Variants in PIK3C2A observed in about 807,000 individuals in gnomAD.
PIK3C2A encodes phosphatidylinositol-4-phosphate 3-kinase catalytic subunit type 2 alpha.
A neutral mutation model predicts 204.5 loss-of-function variants in PIK3C2A; 97 were observed. The observed-to-expected ratio is 0.47, with a 90% CI of 0.40 to 0.56. The LOEUF (loss-of-function observed/expected upper bound fraction) is 0.56. Among genes scored for constraint, PIK3C2A ranks in the 20% least tolerant of loss-of-function variants. PIK3C2A has a pLI of 0.00. For synonymous variants in PIK3C2A, 653 were observed against 664.4 expected (o/e 0.98, Z 0.26); for missense variants, 1,735 against 1,969.2 (o/e 0.88, Z 2.25).
chr11:17,167,045 A>C (rs1195829098), intron 2 of PIK3C2A, among the ~76,000 whole-genome samples: 1 of 151,970 alleles, frequency 6.6e-6, no homozygotes, highest in Non-Finnish European at 1.5e-5. Flanking sequence ...ATCATGGGTC[A>C]CAGCAGTCTC....
intron 3 of PIK3C2A, among the ~76,000 whole-genome samples, chr11:17,153,875 CAG>C (rs1314801034): frequency 6.6e-6 from 1 of 152,176 alleles, no homozygotes; most frequent in Admixed American, 6.5e-5. Flanking sequence ...ATGGAAAAAA[CAG>C]AGCCACTAAT....
At chr11:17,112,031 T>G (rs528422321) in intron 21 of PIK3C2A, among the ~76,000 whole-genome samples, 2 of 152,128 alleles carry the variant, frequency 1.3e-5, no homozygotes, top group South Asian at 4.1e-4. Flanking sequence ...ACAAAGGAAT[T>G]TATTATATAT....
rs1189677263 is a variant in PIK3C2A at position 17,118,666 on chromosome 11, T to C, written c.3014A>G (p.Gln1005Arg). Reference protein sequence around the residue: ...FLLSRALGNIQIAHNLYWLLK... With the variant: ...FLLSRALGNIRIAHNLYWLLK... ...TTACCAATATAAATTGTGTGCTATC[T>C]GGATATTTCCCAATGCCCTGGACAA... Residue 1005 changes from glutamine (Q) to arginine (R), a missense_variant, in exon 18 of 33, where the codon CAG becomes CGG. Coordinates refer to ENST00000691414, the MANE Select transcript of PIK3C2A (RefSeq NM_002645.4). 5 of 1,498,584 alleles carry C rather than the reference T, an allele frequency of 3.3e-6. No homozygotes were observed. The African/African-American group carries it at 6.9e-5, about 21-fold the overall frequency. 92.8% of individuals were successfully genotyped at this position (1,498,584 alleles called of 1,614,324 possible). A position where few individuals can be genotyped will look rare whatever the true frequency, so the allele number is the denominator to read the frequency against.
At chr11:17,205,895 C>A (rs1852555435) in intron 1 of PIK3C2A, among the ~76,000 whole-genome samples, 1 of 152,172 alleles carries the variant, frequency 6.6e-6, no homozygotes, top group Non-Finnish European at 1.5e-5. Context: ...CCAAGACGGG[C>A]AGATCACTTG....
intron 8 of PIK3C2A, among the ~76,000 whole-genome samples, chr11:17,143,921 G>C (rs1850148456): frequency 6.6e-6 from 1 of 151,728 alleles, no homozygotes; most frequent in Non-Finnish European, 1.5e-5. Context: ...TGGGTGACAA[G>C]GTAAGACTCT....
At chr11:17,104,500 C>A (rs560938933) in intron 23 of PIK3C2A, among the ~76,000 whole-genome samples, 2 of 151,948 alleles carry the variant, frequency 1.3e-5, no homozygotes, top group African/African-American at 4.8e-5. Flanking sequence ...CTGAAGCGGG[C>A]GGATCACAAG....
intron 1 of PIK3C2A, among the ~76,000 whole-genome samples, chr11:17,189,441 C>G (rs1851866090): frequency 6.9e-6 from 1 of 145,868 alleles, no homozygotes; most frequent in African/African-American, 2.8e-5. Flanking sequence ...ATGGTGAAAC[C>G]CCATCTCTAC....
chr11:17,154,175 G>A (rs758833623), intron 3 of PIK3C2A, among the ~76,000 whole-genome samples: 21 of 152,128 alleles, frequency 1.4e-4, no homozygotes, highest in South Asian at 6.2e-4. Flanking sequence ...GAGAAAAAAG[G>A]TAGGTCTCAG....
At chr11:17,143,321 AT>A (rs1850125124) in intron 8 of PIK3C2A, among the ~76,000 whole-genome samples, 3 of 152,038 alleles carry the variant, frequency 2.0e-5, no homozygotes, top group Non-Finnish European at 2.9e-5. Context: ...TAACTTCTCC[AT>A]GCTCTTTATC....
chr11:17,145,645 C>G, intron 8 of PIK3C2A, 23 bp downstream of exon 8: 1 of 1,479,020 alleles, frequency 6.8e-7, no homozygotes, highest in East Asian at 2.3e-5. Context: ...AGTCATTATG[C>G]CAAAATGTGA....
In PIK3C2A at chr11:17,119,229, C is replaced by T; in HGVS notation, c.2931G>A (p.Gln977=). The T allele has an allele frequency of 6.3e-7, 1 of 1,582,882 alleles. No homozygotes were observed. The highest frequency in any genetic ancestry group is 8.7e-7 in the Non-Finnish European group (1 of 1,153,448). Residue 977 remains glutamine (Q), a synonymous_variant, in exon 17 of 33, where the codon CAG becomes CAA. Coordinates refer to ENST00000691414, the MANE Select transcript of PIK3C2A (RefSeq NM_002645.4). ...CTAGTAAAAAACTCACTTGTACAAA[C>T]TGTGGAAGAAGATCTGTTAGCTCAT... is the stretch of plus-strand genomic sequence containing the variant. ...SDDELTDLLP[Q]FVQALKYEIY...
At chr11:17,116,714 C>T (rs192101031) in intron 19 of PIK3C2A, among the ~76,000 whole-genome samples, 105 of 152,122 alleles carry the variant, frequency 6.9e-4, no homozygotes, top group African/African-American at 2.1e-3. Flanking sequence ...CTCAGCCTCC[C>T]GAGCAGCTGG....
chr11:17,111,615 G>A (rs536331754), intron 21 of PIK3C2A, among the ~76,000 whole-genome samples: 7 of 152,098 alleles, frequency 4.6e-5, no homozygotes, highest in African/African-American at 9.6e-5. Context: ...GGTGGCTAAC[G>A]CCTGTAATCC....
At chr11:17,155,701 A>G in intron 2 of PIK3C2A, 72 bp from the exon 3 acceptor site, 1 of 742,856 alleles carries the variant, frequency 1.3e-6, no homozygotes, top group Non-Finnish European at 2.3e-6. Flanking sequence ...CACAGCACAA[A>G]CACATTTTTA....
At chr11:17,184,657 G>A (rs1019099744) in intron 1 of PIK3C2A, among the ~76,000 whole-genome samples, 2 of 152,160 alleles carry the variant, frequency 1.3e-5, no homozygotes, top group African/African-American at 4.8e-5. Context: ...AAAAATGGCT[G>A]GGGATGGTGT....
rs755260229 is a variant in PIK3C2A at position 17,097,115 on chromosome 11, C to T, written c.4268G>A (p.Arg1423Gln). The change falls in exon 27 of 33, where the codon CGA (arginine) becomes CAA (glutamine). Residue 1423 changes from arginine to glutamine, a missense_variant. Arg to Gln is a conservative substitution (Grantham distance 43). Coordinates refer to ENST00000691414, the MANE Select transcript of PIK3C2A (RefSeq NM_002645.4). ...PKTYSFRQDG[R>Q]IKEVSVFTYH... ...TGTAAAAACAGAGACTTCCTTGATT[C>T]GACCATCTTGTCTAAAGGAGTATGT... 12 of 1,608,544 alleles carry T rather than the reference C, an allele frequency of 7.5e-6. No homozygotes were observed. Among genetic ancestry groups the T allele is most frequent in the African/African-American group, 1.3e-5 (1 of 74,806 alleles).
At chr11:17,091,184 C>G (rs773884358) in intron 32 of PIK3C2A, 150 bp downstream of exon 32, 1 of 654,574 alleles carries the variant, frequency 1.5e-6, no homozygotes, top group East Asian at 2.8e-5. Context: ...GGCTTAATAC[C>G]TAGGTGATAG....
chr11:17,092,301 T>A, intron 28 of PIK3C2A, 25 bp from the exon 29 acceptor site: 3 of 1,028,332 alleles, frequency 2.9e-6, no homozygotes, highest in Non-Finnish European at 4.6e-6. Flanking sequence ...CAAAAACAAG[T>A]GGGATTTAAA....
intron 8 of PIK3C2A, among the ~76,000 whole-genome samples, chr11:17,140,356 CATAA>C (rs1350151596): frequency 1.3e-5 from 2 of 152,240 alleles, no homozygotes; most frequent in South Asian, 2.1e-4. Flanking sequence ...TGGGCTCATA[CATAA>C]ATGTTTATAA....
Sources: allele counts gnomAD v4.1 joint callset (sites outside exome capture counted in the v4.1 genomes callset), GRCh38; gene constraint gnomAD v4.1.1; transcripts MANE v1.5; gene names NCBI Gene and HGNC (gene_info 2026-07-23, HGNC 2026-07-21).